MYO1C: variants seen among roughly 807,000 people sequenced by gnomAD.
The protein encoded by MYO1C is myosin IC.
A neutral mutation model predicts 150.8 loss-of-function variants in MYO1C; 104 were observed. The observed-to-expected ratio is 0.69, with a 90% CI of 0.59 to 0.81. The LOEUF is 0.81. Ranked by LOEUF, MYO1C falls within the 30% of genes least tolerant of loss-of-function variation. The probability of loss-of-function intolerance (pLI) is 0.00; values close to 1 mark genes in which losing one functional copy is unlikely to be tolerated. For synonymous variants in MYO1C, 663 were observed against 579.9 expected, an observed-to-expected ratio of 1.14 and a Z score of -2.06; for missense variants, 1,504 against 1,435.0, an observed-to-expected ratio of 1.05 and a Z score of -0.78.
At chr17:1,472,540 C>A (rs1276363320) in intron 17 of MYO1C, among the ~76,000 whole-genome samples, 1 of 152,234 alleles carries the variant, frequency 6.6e-6, no homozygotes, top group Non-Finnish European at 1.5e-5. Flanking sequence ...AACTTCAGGG[C>A]TGCGTTCCTA....
At chr17:1,482,172 G>A (rs2074536374) in intron 5 of MYO1C, among the ~76,000 whole-genome samples, 1 of 152,094 alleles carries the variant, frequency 6.6e-6, no homozygotes, top group Non-Finnish European at 1.5e-5. Flanking sequence ...TCAGCCTCCA[G>A]AGGAGCTGGG....
In MYO1C at chr17:1,478,990, C is replaced by T. The variant is rs1007008797; in HGVS notation, c.1093-255G>A. 6.6e-6 allele frequency among the ~76,000 whole-genome samples: 1 copy of T among 152,124 alleles called. No individual in the cohort carries two copies. The highest frequency in any genetic ancestry group is 6.5e-5 in the Admixed American group (1 of 15,270). Reference sequence around the variant, plus strand: ...TTCTAGCCGGACTGTTACTCTCTTCCTATGTGACCCTGGCCAGCTCACTGT... The same window carrying T: ...TTCTAGCCGGACTGTTACTCTCTTCTTATGTGACCCTGGCCAGCTCACTGT... On this transcript the variant is annotated intron_variant, in intron 9 of 31. Transcript: ENST00000648651. This position sits in a 1 kb window ranked among gnomAD's most constrained non-coding sequence, Gnocchi z 6.3.
At chr17:1,491,045 C>T (rs961684022) in intron 1 of MYO1C, 3 of 152,066 alleles carry the variant, frequency 2.0e-5, no homozygotes, top group African/African-American at 7.3e-5. Context: ...TCAGTCCCTC[C>T]CAGGAGACGG....
In MYO1C at chr17:1,482,427, C is replaced by T. The variant is rs555617232; in HGVS notation, c.627+51G>A. ...CCTGGTACCCAGTAGGTGCTTCACA[C>T]GTGTAGAGCCTACTGAATGGGAATC... is the stretch of plus-strand genomic sequence containing the variant. On this transcript the variant is annotated intron_variant, in intron 5 of 31. Transcript: ENST00000648651. 36 of 1,498,698 alleles carry T rather than the reference C, an allele frequency of 2.4e-5. No homozygotes were observed. The South Asian group carries it at 3.3e-4, about 14-fold the overall frequency. The allele number at this position is 1,498,698 out of a possible 1,614,324, so 92.8% of individuals were successfully genotyped here.
chr17:1,492,159 G>C (rs2074742571), intron 1 of MYO1C: 1 of 537,266 alleles, frequency 1.9e-6, no homozygotes, highest in Non-Finnish European at 3.4e-6. Context: ...CAGTATTCAC[G>C]GTTCTGCCCA....
chr17:1,470,664 C>G lies in MYO1C; in HGVS notation c.2238G>C (p.Arg746Ser), dbSNP rs2074283163. The G allele has an allele frequency of 6.2e-7, 1 of 1,609,142 alleles. No individual in the cohort carries two copies. The highest frequency in any genetic ancestry group is 1.7e-5 in the Admixed American group (1 of 59,918). ...SLATKIQAAW[R>S]GFHWRQKFLR... ...GGAATTTCTGCCGCCAGTGAAAGCC[C>G]CTCCAGGCAGCTTGGATCTTTGTGG... The change falls in exon 22 of 32, where the codon AGG becomes AGC. Residue 746 changes from arginine to serine, a missense_variant. Arg to Ser is a moderately radical substitution (Grantham distance 110). Transcript: ENST00000648651.
At chr17:1,477,232 G>A in intron 14 of MYO1C, 1 of 416,304 alleles carries the variant, frequency 2.4e-6, no homozygotes, top group East Asian at 3.9e-5. Flanking sequence ...AGGCTGGAGT[G>A]CAGTGGGTTG....
At chr17:1,469,929 G>C (rs894132427) in intron 24 of MYO1C, among the ~76,000 whole-genome samples, 7 of 152,272 alleles carry the variant, frequency 4.6e-5, no homozygotes, top group Admixed American at 3.3e-4. Flanking sequence ...CAGCTACTCA[G>C]GAGGCTGAGG....
Position 1,492,495 on chromosome 17 carries a change from T to G in MYO1C, c.-8A>C, listed in dbSNP as rs1489328866. 6.3e-7 allele frequency: 1 copy of G among 1,596,620 alleles called. No homozygotes were observed. The highest frequency in any genetic ancestry group is 1.7e-5 in the Admixed American group (1 of 58,506). ...CTCCACTTGCAGCGCCATTCCGCCC[T>G]GCGGAGAGCCAGCGGCCTGGGCACC... On this transcript the variant is annotated 5_prime_UTR_variant, in exon 1 of 32. Coordinates refer to ENST00000648651, the MANE Select transcript of MYO1C (RefSeq NM_001080779.2).
chr17:1,474,035 G>A (rs1478374198), intron 17 of MYO1C, among the ~76,000 whole-genome samples: 1 of 151,982 alleles, frequency 6.6e-6, no homozygotes, highest in Non-Finnish European at 1.5e-5. Context: ...GTCAACATAT[G>A]GGCACCCACA....
intron 1 of MYO1C, chr17:1,485,362 G>T (rs79923367): frequency 8.3e-4 from 122 of 147,040 alleles, no homozygotes; most frequent in Non-Finnish European, 9.4e-4. Flanking sequence ...ATTTCTGGCC[G>T]GGGGCCTGCC....
chr17:1,472,704 T>C (rs2074329356), intron 17 of MYO1C, among the ~76,000 whole-genome samples: 1 of 152,040 alleles, frequency 6.6e-6, no homozygotes, highest in Admixed American at 6.5e-5. Flanking sequence ...CTGTGGGTTC[T>C]GAGAGCCCCA....
At position 1,470,419 on chromosome 17, in the gene MYO1C, G is replaced by A. The variant is rs1181762393; in HGVS notation, c.2366+16C>T. The A allele has an allele frequency of 3.2e-6, 5 of 1,549,952 alleles. No homozygotes were observed. The highest frequency in any genetic ancestry group is 2.4e-5 in the East Asian group (1 of 40,942). ...CGCCCTGCTCTGCAGCCCCCACAAG[G>A]CACCCTGGCGCTCACCGCCGGATGG... On this transcript the variant is annotated intron_variant, in intron 23 of 31. Transcript: ENST00000648651.
At chr17:1,481,158 C>A in intron 5 of MYO1C, 2 of 490,362 alleles carry the variant, frequency 4.1e-6, no homozygotes, top group South Asian at 4.4e-5. Context: ...CAACACCGGA[C>A]CTTCTCCCTC....
At chr17:1,492,291 C>T in intron 1 of MYO1C, 122 bp downstream of exon 1, 1 of 961,772 alleles carries the variant, frequency 1.0e-6, no homozygotes, top group Non-Finnish European at 1.6e-6. Flanking sequence ...TGTTCTGGCC[C>T]CGCCAAGGAT....
intron 25 of MYO1C, chr17:1,469,302 GGTGGGGT>G: frequency 1.7e-6 from 1 of 576,746 alleles, no homozygotes; most frequent in Non-Finnish European, 3.2e-6. Context: ...AAATACGGTA[GGTGGGGT>G]AAATACAGTA....
chr17:1,470,564 G>A, intron 22 of MYO1C, 45 bp from the exon 23 acceptor site: 2 of 1,572,630 alleles, frequency 1.3e-6, no homozygotes, highest in Non-Finnish European at 1.7e-6. Flanking sequence ...TTCTTACCAT[G>A]GTGGCCCCCC....
In MYO1C at chr17:1,478,002, C is replaced by T. The variant is rs578236942; in HGVS notation, c.1402-31G>A. On this transcript the variant is annotated intron_variant, in intron 12 of 31. Coordinates refer to ENST00000648651, the MANE Select transcript of MYO1C (RefSeq NM_001080779.2). The surrounding 1 kb of genome is among the most constrained non-coding windows in gnomAD (Gnocchi z 6.3). Reference sequence around the variant, plus strand: ...GGGCAGAAGGGAAGGAAGGGATCACCGTGGGGTCCTGGCACCCTCTCCCAG... The same window carrying T: ...GGGCAGAAGGGAAGGAAGGGATCACTGTGGGGTCCTGGCACCCTCTCCCAG... 13 of 1,612,940 alleles carry T rather than the reference C, an allele frequency of 8.1e-6. No homozygotes were observed. Among genetic ancestry groups the T allele is most frequent in the South Asian group, 2.2e-5 (2 of 91,058 alleles).
chr17:1,471,118 G>A lies in MYO1C; in HGVS notation c.2165C>T (p.Thr722Ile). 2 of 1,614,176 alleles carry A rather than the reference G, an allele frequency of 1.2e-6. No individual in the cohort carries two copies. Among genetic ancestry groups the A allele is most frequent in the Non-Finnish European group, 1.7e-6 (2 of 1,180,020 alleles). The change falls in exon 21 of 32, where the codon ACC (threonine) becomes ATC (isoleucine). Residue 722 changes from threonine (T) to isoleucine (I), a missense_variant. By Grantham distance (89) the Thr-to-Ile change is moderately conservative. Coordinates refer to ENST00000648651, the MANE Select transcript of MYO1C (RefSeq NM_001080779.2). ...CAGGGCATCCTCTGTGGCAAACAGG[G>A]TCTTGGGGAAGCGGATGAAGATCTT... ...RTKIFIRFPK[T>I]LFATEDALEV...
Sources: gnomAD v4.1 joint callset for allele counts (sites outside exome capture counted in the v4.1 genomes callset) on GRCh38, gnomAD v4.1.1 for gene constraint, Gnocchi (gnomAD v3.1) non-coding constraint, MANE v1.5 for transcripts, NCBI Gene and HGNC (gene_info 2026-07-23, HGNC 2026-07-21) for gene names.